Variants in TAF7L observed in about 807,000 individuals in gnomAD.
TAF7L encodes the protein transcription initiation factor TFIID subunit 7-like.
Under a neutral mutation model 30.2 loss-of-function variants are expected in TAF7L, and 6 were observed. The ratio of observed to expected loss-of-function variants is 0.20; its 90% CI spans 0.11 to 0.39. The LOEUF is 0.39. Among genes scored for constraint, TAF7L ranks in the 10% least tolerant of loss-of-function variants. The probability of loss-of-function intolerance (pLI) is 1.00; values close to 1 mark genes in which losing one functional copy is unlikely to be tolerated. For missense variants in TAF7L, 284 were observed against 277.1 expected (o/e 1.03, Z -0.18); for synonymous variants, 93 against 94.5 (o/e 0.98, Z 0.09).
chrX:101,282,690 GTTT>G (rs780275650), intron 4 of TAF7L, among the ~76,000 whole-genome samples: 1 of 102,374 alleles, frequency 9.8e-6, no homozygotes, highest in Non-Finnish European at 2.0e-5. Context: ...GCTTTGTTTT[GTTT>G]TTTTTTTTCC....
rs890373243 is a variant in TAF7L, at chrX:101,271,218, G to A, written c.1087-1981C>T. 5.5e-4 allele frequency among the ~76,000 whole-genome samples: 62 copies of A among 111,943 alleles called. 1 individual carries two copies. Among genetic ancestry groups the A allele is most frequent in the African/African-American group, 1.9e-3 (60 of 30,805 alleles). ...GGACTCTGAGTAAATAAAGTTTACA[G>A]CTACATTTCTATGCTGCTCCTCAAT... On this transcript the variant is annotated intron_variant, in intron 12 of 12. Transcript: ENST00000356784.
At chrX:101,292,836 G>A (rs73556856), upstream of TAF7L, 3,621 of 1,209,324 alleles carry the variant, frequency 3.0e-3, 73 homozygotes, top group African/African-American at 0.056. Flanking sequence ...CAGCCTGGGC[G>A]CTGCTGTCCG....
At chrX:101,269,378 A>C (rs1384372772) in intron 12 of TAF7L, 141 bp from the exon 13 acceptor site, 1 of 528,376 alleles carries the variant, frequency 1.9e-6, no homozygotes, top group Non-Finnish European at 3.1e-6. Flanking sequence ...GCAATGTTCC[A>C]GAGAATACTG....
At chrX:101,277,981 T>C (rs1226344158) in intron 8 of TAF7L, 68 bp downstream of exon 8, 3 of 973,553 alleles carry the variant, frequency 3.1e-6, no homozygotes, top group Non-Finnish European at 1.5e-6. Context: ...ACACCAGAGG[T>C]GAGGCTTCGT....
At position 101,281,096 on chromosome X, in the gene TAF7L, T is replaced by C. The variant is rs765927770; in HGVS notation, c.462+624A>G. On this transcript the variant is annotated intron_variant, in intron 6 of 12. Coordinates refer to ENST00000356784, the MANE Select transcript of TAF7L (RefSeq NM_001168474.2). ...CACATGGGATAAAACTGCATAGAAC[T>C]AAACACATGCACAAAAATACACGAG... 5.6e-4 allele frequency among the ~76,000 whole-genome samples: 62 copies of C among 111,586 alleles called. No individual in the cohort carries two copies. In the Middle Eastern group the frequency reaches 0.014, roughly 25 times the overall value.
chrX:101,287,944 G>A, intron 1 of TAF7L: 1 of 124,365 alleles, frequency 8.0e-6, no homozygotes, highest in Admixed American at 8.9e-5. Context: ...CAAACCAAAA[G>A]CTGAAATTCG....
In TAF7L at chrX:101,291,209, G is replaced by C. The variant is rs1316272769; in HGVS notation, c.-3+15C>G. 1 of 739,429 alleles carries C rather than the reference G, an allele frequency of 1.4e-6. No individual in the cohort carries two copies. The highest frequency in any genetic ancestry group is 1.6e-6 in the Non-Finnish European group (1 of 626,982). The allele number at this position is 739,429 out of a possible 1,213,427, so 60.9% of individuals were successfully genotyped here. A position where few individuals can be genotyped will look rare whatever the true frequency, so the allele number is the denominator to read the frequency against. ...CTGACCCGGTCCCGGCCGCCCGGTC[G>C]GCCGCCCGACTCACCCGCTCCTCCG... On this transcript the variant is annotated intron_variant, in intron 1 of 12. Coordinates refer to ENST00000356784, the MANE Select transcript of TAF7L (RefSeq NM_001168474.2).
At chrX:101,292,520 G>A (rs1236466383), upstream of TAF7L, among the ~76,000 whole-genome samples, 1 of 106,260 alleles carries the variant, frequency 9.4e-6, no homozygotes, top group East Asian at 3.0e-4. Context: ...TTGTCCCTAG[G>A]CACGGTGACC....
intron 12 of TAF7L, among the ~76,000 whole-genome samples, chrX:101,273,898 G>A (rs1924065123): frequency 8.9e-6 from 1 of 112,143 alleles, no homozygotes; most frequent in Non-Finnish European, 1.9e-5. Flanking sequence ...CACCTCCTAG[G>A]AGAGGTCTAT....
At chrX:101,291,458 C>G (rs1924800805), upstream of TAF7L, 1 of 193,057 alleles carries the variant, frequency 5.2e-6, no homozygotes, top group African/African-American at 3.1e-5. Flanking sequence ...GCCCGCTCAC[C>G]GCGTGCTGGG....
intron 7 of TAF7L, 53 bp downstream of exon 7, chrX:101,278,941 A>C (rs748001398): frequency 9.4e-7 from 1 of 1,063,400 alleles, no homozygotes; most frequent in East Asian, 3.0e-5. Flanking sequence ...CTAATGAGCT[A>C]TTAAATAAAA....
chrX:101,273,250 C>A (rs1009091127), intron 12 of TAF7L, among the ~76,000 whole-genome samples: 3 of 111,871 alleles, frequency 2.7e-5, no homozygotes, highest in Non-Finnish European at 5.6e-5. Context: ...CTACTCTCAC[C>A]TTCTTCCAAC....
At chrX:101,280,213 C>T (rs1169401841) in intron 6 of TAF7L, among the ~76,000 whole-genome samples, 1 of 111,559 alleles carries the variant, frequency 9.0e-6, no homozygotes, top group Non-Finnish European at 1.9e-5. Flanking sequence ...GATGGAAAGA[C>T]AAGCTACAGA....
Position 101,268,292 on chromosome X carries a change from A to G in TAF7L, c.*901T>C, listed in dbSNP as rs1923855244. The G allele has an allele frequency of 8.9e-6, 1 of 112,272 alleles. No individual in the cohort carries two copies. The highest frequency in any genetic ancestry group is 3.2e-5 in the African/African-American group (1 of 30,927). 9.3% of individuals were successfully genotyped at this position (112,272 alleles called of 1,213,427 possible). A position where few individuals can be genotyped will look rare whatever the true frequency, so the allele number is the denominator to read the frequency against. ...ACAATTTATTTATTGCTTAAAGAAC[A>G]TAGACCATAAAACACTAATAATATA... On this transcript the variant is annotated 3_prime_UTR_variant, in exon 13 of 13. Transcript: ENST00000356784.
Position 101,282,377 on chromosome X carries a change from A to G in TAF7L, c.356T>C (p.Val119Ala), listed in dbSNP as rs1456297071. 8.3e-7 allele frequency: 1 copy of G among 1,208,812 alleles called. No individual in the cohort carries two copies. ...EPAASTDPNI[V>A]RKKERGREEK... Reference sequence around the variant, plus strand: ...TTCTCTCCCCCTTTCTTTTTTCCTGACTATATTAGGATCAGTAGAGGCAGC... The same window carrying G: ...TTCTCTCCCCCTTTCTTTTTTCCTGGCTATATTAGGATCAGTAGAGGCAGC... Residue 119 changes from valine (V) to alanine (A), a missense_variant, in exon 5 of 13, where the codon GTC (valine) becomes GCC (alanine). Val to Ala is a moderately conservative substitution (Grantham distance 64). Transcript: ENST00000356784.
chrX:101,279,939 A>C (rs1924343920), intron 6 of TAF7L, among the ~76,000 whole-genome samples: 1 of 110,727 alleles, frequency 9.0e-6, no homozygotes. Context: ...AAAACAAACA[A>C]ACAAACAAAA....
intron 6 of TAF7L, among the ~76,000 whole-genome samples, chrX:101,279,362 C>T (rs1404315125): frequency 8.9e-6 from 1 of 111,948 alleles, no homozygotes; most frequent in Non-Finnish European, 1.9e-5. Context: ...TGGCTCATGC[C>T]TGTAATCTCA....
At chrX:101,282,235 T>C in intron 5 of TAF7L, 92 bp downstream of exon 5, 1 of 1,109,402 alleles carries the variant, frequency 9.0e-7, no homozygotes, top group East Asian at 3.0e-5. Flanking sequence ...ACCAAACACC[T>C]AAGTGTGGTA....
chrX:101,288,659 G>A (rs980587371), intron 1 of TAF7L, among the ~76,000 whole-genome samples: 5 of 109,780 alleles, frequency 4.6e-5, no homozygotes, highest in African/African-American at 6.6e-5. Context: ...CACTTACTTC[G>A]AATGCCCCCA....
Sources: gnomAD v4.1 joint callset for allele counts (sites outside exome capture counted in the v4.1 genomes callset) on GRCh38, gnomAD v4.1.1 for gene constraint, MANE v1.5 for transcripts, NCBI Gene and HGNC (gene_info 2026-07-23, HGNC 2026-07-21) for gene names.